The following RAP1GAP2 variants were observed in gnomAD, a reference collection of about 807,000 sequenced individuals.
The protein encoded by RAP1GAP2 is rap1 GTPase-activating protein 2.
Under a neutral mutation model 95.0 loss-of-function variants are expected in RAP1GAP2, and 27 were observed. The ratio of observed to expected loss-of-function variants is 0.28; its 90% CI spans 0.21 to 0.39. RAP1GAP2 has a LOEUF of 0.39. Among genes scored for constraint, RAP1GAP2 ranks in the 10% least tolerant of loss-of-function variants. RAP1GAP2 has a pLI of 1.00. For synonymous variants in RAP1GAP2, 373 were observed against 380.9 expected (o/e 0.98, Z 0.24); for missense variants, 771 against 970.0 (o/e 0.79, Z 2.72).
chr17:2,941,393 G>A (rs910752642), intron 3 of RAP1GAP2, among the ~76,000 whole-genome samples: 1 of 152,068 alleles, frequency 6.6e-6, no homozygotes, highest in Non-Finnish European at 1.5e-5. Flanking sequence ...GGGCAACAGA[G>A]CAAGACTCCA....
At chr17:2,849,386 C>T (rs2071728869) in intron 2 of RAP1GAP2, among the ~76,000 whole-genome samples, 1 of 152,206 alleles carries the variant, frequency 6.6e-6, no homozygotes, top group Non-Finnish European at 1.5e-5. Flanking sequence ...CTGCTGCAGG[C>T]TGGCTCTCTG....
intron 2 of RAP1GAP2, among the ~76,000 whole-genome samples, chr17:2,802,786 G>A (rs184255045): frequency 1.3e-5 from 2 of 152,258 alleles, no homozygotes; most frequent in East Asian, 3.9e-4. Flanking sequence ...CTCTAAAGTA[G>A]CTCTTAGAGA....
At chr17:2,756,717 A>G (rs983539155) in intron 1 of RAP1GAP2, among the ~76,000 whole-genome samples, 9 of 152,156 alleles carry the variant, frequency 5.9e-5, no homozygotes, top group Non-Finnish European at 2.9e-5. Context: ...CAATAATGTC[A>G]TCAATAACAG....
At chr17:2,953,451 G>A (rs945699011) in intron 3 of RAP1GAP2, among the ~76,000 whole-genome samples, 12 of 152,182 alleles carry the variant, frequency 7.9e-5, no homozygotes, top group African/African-American at 2.9e-4. Context: ...AGTGTCATAT[G>A]TAAGCAACAT....
intron 1 of RAP1GAP2, among the ~76,000 whole-genome samples, chr17:2,789,894 A>G (rs556763497): frequency 9.2e-5 from 14 of 152,044 alleles, no homozygotes; most frequent in African/African-American, 2.9e-4. Flanking sequence ...ATCTGCCATC[A>G]TCTTGCTTTT....
intron 4 of RAP1GAP2, among the ~76,000 whole-genome samples, chr17:2,959,539 G>T (rs1453401262): frequency 1.3e-5 from 2 of 152,202 alleles, no homozygotes; most frequent in Non-Finnish European, 2.9e-5. Context: ...GTGCCCGCGT[G>T]GGCCTTGAGC....
In RAP1GAP2 at chr17:3,008,963, A is replaced by T. The variant is rs772268211; in HGVS notation, c.1494+818A>T. ...CGAGGCAGAGTTAGAGCCTCATTTC[A>T]AACGCAGGTCTTCTGATTCTTAGGT... On this transcript the variant is annotated intron_variant, in intron 17 of 24. Transcript: ENST00000254695. The surrounding 1 kb of genome is among the most constrained non-coding windows in gnomAD (Gnocchi z 4.2). Among the ~76,000 whole-genome samples the T allele has an allele frequency of 2.6e-5, 4 of 152,108 alleles. No homozygotes were observed. The highest frequency in any genetic ancestry group is 6.5e-5 in the Admixed American group (1 of 15,272).
rs141405290 is a variant in RAP1GAP2, at chr17:2,982,869, C to T, written c.729+1621C>T. Among the ~76,000 whole-genome samples, 375 of 152,300 alleles carry T rather than the reference C, an allele frequency of 2.5e-3. 2 individuals carry two copies. Among genetic ancestry groups the T allele is most frequent in the African/African-American group, 8.4e-3 (350 of 41,558 alleles). On this transcript the variant is annotated intron_variant, in intron 10 of 24. Coordinates refer to ENST00000254695, the MANE Select transcript of RAP1GAP2 (RefSeq NM_015085.5). ...TTCATGTTTTCTGTATCTGAAGGACCGCTGAGTCCGGCTGGGATGTTCATC... is the reference window on the plus strand; with the variant it reads ...TTCATGTTTTCTGTATCTGAAGGACTGCTGAGTCCGGCTGGGATGTTCATC...
intron 19 of RAP1GAP2, among the ~76,000 whole-genome samples, chr17:3,023,645 T>C (rs2047020771): frequency 6.6e-6 from 1 of 152,218 alleles, no homozygotes; most frequent in African/African-American, 2.4e-5. Context: ...ACTTTTTTCT[T>C]TTATTATTAT....
At chr17:2,831,915 CA>C (rs1177552861) in intron 2 of RAP1GAP2, among the ~76,000 whole-genome samples, 3 of 149,876 alleles carry the variant, frequency 2.0e-5, no homozygotes, top group Non-Finnish European at 3.0e-5. Flanking sequence ...AACAACAACA[CA>C]AAAAACAGGC....
Position 2,816,868 on chromosome 17 carries a change from C to T in RAP1GAP2, c.80+16318C>T, listed in dbSNP as rs993452257. On this transcript the variant is annotated intron_variant, in intron 2 of 24. Coordinates refer to ENST00000254695, the MANE Select transcript of RAP1GAP2 (RefSeq NM_015085.5). Reference sequence around the variant, plus strand: ...TTCTGTTTCTATGAATTTGACTGCTCGGTGAACTGTGTATAGGTGAAATCA... The same window carrying T: ...TTCTGTTTCTATGAATTTGACTGCTTGGTGAACTGTGTATAGGTGAAATCA... 4.2e-5 allele frequency among the ~76,000 whole-genome samples: 5 copies of T among 119,888 alleles called. 1 individual carries two copies. Among genetic ancestry groups the T allele is most frequent in the East Asian group, 4.6e-4 (2 of 4,382 alleles). 78.7% of individuals were successfully genotyped at this position (119,888 alleles called of 152,430 possible). A position where few individuals can be genotyped will look rare whatever the true frequency, so the allele number is the denominator to read the frequency against.
chr17:2,962,624 T>C (rs1424253309), intron 4 of RAP1GAP2, 46 bp from the exon 5 acceptor site: 3 of 1,541,968 alleles, frequency 1.9e-6, no homozygotes, highest in Middle Eastern at 1.8e-4. Context: ...GGCCCTGTCT[T>C]CTGACCTTTG....
Position 2,825,492 on chromosome 17 carries a change from A to T in RAP1GAP2, c.80+24942A>T, listed in dbSNP as rs190000379. 5.9e-4 allele frequency among the ~76,000 whole-genome samples: 89 copies of T among 152,132 alleles called. No individual in the cohort carries two copies. Among genetic ancestry groups the T allele is most frequent in the African/African-American group, 2.0e-3 (83 of 41,532 alleles). ...TCTGATGAATATTCATCGAGCTCCT[A>T]TTTGTAGCCAGCCGCCTCTGTTTTA... On this transcript the variant is annotated intron_variant, in intron 2 of 24. Transcript: ENST00000254695. This position sits in a 1 kb window ranked among gnomAD's most constrained non-coding sequence, Gnocchi z 4.1.
chr17:2,799,416 G>A (rs908077895), intron 1 of RAP1GAP2, among the ~76,000 whole-genome samples: 5 of 152,140 alleles, frequency 3.3e-5, no homozygotes, highest in Admixed American at 6.5e-5. Flanking sequence ...AAAGGACCCC[G>A]TCCCCTAGCT....
chr17:2,803,678 C>A lies in RAP1GAP2; in HGVS notation c.80+3128C>A, dbSNP rs151084153. Among the ~76,000 whole-genome samples, 457 of 152,212 alleles carry A rather than the reference C, an allele frequency of 3.0e-3. 1 individual carries two copies. The highest frequency in any genetic ancestry group is 0.01 in the African/African-American group (427 of 41,548). Reference sequence around the variant, plus strand: ...TGGATCATTTGAGGTCAGGAGTTTGCGACAAGCCTGACCAACATGGTAAAA... The same window carrying A: ...TGGATCATTTGAGGTCAGGAGTTTGAGACAAGCCTGACCAACATGGTAAAA... On this transcript the variant is annotated intron_variant, in intron 2 of 24. Coordinates refer to ENST00000254695, the MANE Select transcript of RAP1GAP2 (RefSeq NM_015085.5).
chr17:2,847,787 T>G (rs2071653661), intron 2 of RAP1GAP2, among the ~76,000 whole-genome samples: 1 of 152,160 alleles, frequency 6.6e-6, no homozygotes, highest in African/African-American at 2.4e-5. Context: ...GACTGTGCTG[T>G]AGGCCACCCA....
rs1056218446 is a variant in RAP1GAP2 at position 3,020,549 on chromosome 17, C to G, written c.1705C>G (p.Arg569Gly). Residue 569 changes from arginine to glycine, a missense_variant, in exon 19 of 25, where the codon CGC becomes GGC. Transcript: ENST00000254695. Reference protein sequence around the residue: ...PIKRRSGLFPRLHTGSEGQGD... With the variant: ...PIKRRSGLFPGLHTGSEGQGD... The stretch of plus-strand genomic sequence containing the variant: ...CAAGCGACGCTCGGGGCTCTTCCCC[C>G]GCCTGCACACGGGCTCAGAAGGCCA... 8.1e-6 allele frequency: 13 copies of G among 1,613,936 alleles called. No individual in the cohort carries two copies. Among genetic ancestry groups the G allele is most frequent in the Non-Finnish European group, 1.0e-5 (12 of 1,179,880 alleles).
intron 2 of RAP1GAP2, among the ~76,000 whole-genome samples, chr17:2,887,670 TG>T (rs1221118382): frequency 6.9e-6 from 1 of 144,168 alleles, no homozygotes; most frequent in African/African-American, 2.6e-5. Flanking sequence ...CCACCGCGCT[TG>T]GTTTTTTTGT....
At chr17:2,836,354 G>A (rs1365141276) in intron 2 of RAP1GAP2, among the ~76,000 whole-genome samples, 1 of 152,106 alleles carries the variant, frequency 6.6e-6, no homozygotes, top group Non-Finnish European at 1.5e-5. Flanking sequence ...GGCTTTGGCC[G>A]GGTGCAGTGG....
Sources: allele counts gnomAD v4.1 joint callset (sites outside exome capture counted in the v4.1 genomes callset), GRCh38; gene constraint gnomAD v4.1.1; non-coding constraint Gnocchi (gnomAD v3.1); transcripts MANE v1.5; gene names NCBI Gene and HGNC (gene_info 2026-07-23, HGNC 2026-07-21).